Variants in ZNF236 observed in about 807,000 individuals in gnomAD.
The protein encoded by ZNF236 is zinc finger protein 236.
ZNF236 carries 50 observed loss-of-function variants against 191.2 expected under a neutral mutation model. The observed-to-expected ratio is 0.26, with a 90% confidence interval of 0.21 to 0.33. ZNF236 has a LOEUF of 0.33. Ranked by LOEUF, ZNF236 falls within the 10% of genes least tolerant of loss-of-function variation. ZNF236 has a pLI of 1.00. For missense variants in ZNF236, 1,754 were observed against 2,374.5 expected (o/e 0.74, Z 5.43); for synonymous variants, 907 against 928.8 (o/e 0.98, Z 0.43).
At chr18:76,854,817 ACATT>A (rs1245890705) in intron 3 of ZNF236, among the ~76,000 whole-genome samples, 3 of 152,202 alleles carry the variant, frequency 2.0e-5, no homozygotes, top group Non-Finnish European at 4.4e-5. Flanking sequence ...ATGCCATATG[ACATT>A]CTAGAAAGTA....
At chr18:76,922,888 T>C (rs1454090591) in intron 20 of ZNF236, among the ~76,000 whole-genome samples, 183 bp from the exon 21 acceptor site, 4 of 152,242 alleles carry the variant, frequency 2.6e-5, no homozygotes, top group African/African-American at 9.6e-5. Context: ...TTATTTGTCC[T>C]GCAAATATTT....
chr18:76,956,202 G>T lies in ZNF236; in HGVS notation c.5112+20G>T. On this transcript the variant is annotated intron_variant, in intron 28 of 30. Transcript: ENST00000320610. ...CTCAAGGTAGGCCCACTGTGCCAGGGCACAGCTGTGTGCCCCCCAGGCGGC... is the reference window on the plus strand; with the variant it reads ...CTCAAGGTAGGCCCACTGTGCCAGGTCACAGCTGTGTGCCCCCCAGGCGGC... The T allele has an allele frequency of 1.3e-6, 2 of 1,541,900 alleles. No homozygotes were observed. Among genetic ancestry groups the T allele is most frequent in the Non-Finnish European group, 1.7e-6 (2 of 1,146,944 alleles).
chr18:76,874,683 C>T (rs1000778687), intron 5 of ZNF236, among the ~76,000 whole-genome samples: 1 of 152,098 alleles, frequency 6.6e-6, no homozygotes, highest in Non-Finnish European at 1.5e-5. Flanking sequence ...AGTGTAAAGA[C>T]GATTTTGAGC....
intron 18 of ZNF236, among the ~76,000 whole-genome samples, chr18:76,915,224 A>G (rs1416252398): frequency 6.6e-6 from 1 of 152,196 alleles, no homozygotes; most frequent in Non-Finnish European, 1.5e-5. Flanking sequence ...CTAGTTCTTA[A>G]TGCCTAATCT....
At chr18:76,908,123 C>T (rs2122754787) in intron 13 of ZNF236, among the ~76,000 whole-genome samples, 197 bp from the exon 14 acceptor site, 1 of 151,840 alleles carries the variant, frequency 6.6e-6, no homozygotes, top group Middle Eastern at 3.4e-3. Flanking sequence ...GGTGGAAGCA[C>T]TTAAAGATAA....
intron 9 of ZNF236, among the ~76,000 whole-genome samples, chr18:76,883,635 C>T (rs1976963005): frequency 6.6e-6 from 1 of 152,076 alleles, no homozygotes; most frequent in Non-Finnish European, 1.5e-5. Context: ...GCTATGTTGC[C>T]CAGGCTGGTC....
At position 76,837,437 on chromosome 18, in the gene ZNF236, C is replaced by CTTTTTTTTTTTTTTTTTTTTT. The variant is rs71760598; in HGVS notation, c.56-12069_56-12068insTTTTTTTTTTTTTTTTTTTTT. On this transcript the variant is annotated intron_variant, in intron 1 of 30. Transcript: ENST00000320610. The stretch of plus-strand genomic sequence containing the variant: ...AATTCCTTTTTTTCTTTTTCTTTTT[C>CTTTTTTTTTTTTTTTTTTTTT]TTTTTTTTTTTTTTTTTTTTGAGAC... Among the ~76,000 whole-genome samples, 153 of 105,746 alleles carry CTTTTTTTTTTTTTTTTTTTTT rather than the reference C, an allele frequency of 1.4e-3. 1 individual carries two copies. The highest frequency in any genetic ancestry group is 1.9e-3 in the Non-Finnish European group (102 of 52,582). The allele number at this position is 105,746 out of a possible 152,430, so 69.4% of individuals were successfully genotyped here.
At chr18:76,882,504 C>G (rs1216308813) in intron 9 of ZNF236, among the ~76,000 whole-genome samples, 1 of 152,192 alleles carries the variant, frequency 6.6e-6, no homozygotes, top group Non-Finnish European at 1.5e-5. Flanking sequence ...TTTACTACAT[C>G]TTTCTTGAAA....
At chr18:76,834,645 C>T (rs1470089332) in intron 1 of ZNF236, 3 of 449,184 alleles carry the variant, frequency 6.7e-6, no homozygotes, top group Non-Finnish European at 1.3e-5. Flanking sequence ...TGCACCCATT[C>T]AATGTAGAGG....
chr18:76,942,686 GT>G (rs1968159905), intron 26 of ZNF236, among the ~76,000 whole-genome samples: 1 of 150,200 alleles, frequency 6.7e-6, no homozygotes, highest in Non-Finnish European at 1.5e-5. Flanking sequence ...TACCTTTTTT[GT>G]TATTTTTTAG....
At chr18:76,949,457 A>T (rs546090440) in intron 27 of ZNF236, among the ~76,000 whole-genome samples, 2 of 152,174 alleles carry the variant, frequency 1.3e-5, no homozygotes, top group East Asian at 3.8e-4. Flanking sequence ...GACAGATTAA[A>T]TATAAAAATG....
intron 5 of ZNF236, among the ~76,000 whole-genome samples, chr18:76,872,358 G>A (rs1027030402): frequency 2.6e-5 from 4 of 152,208 alleles, no homozygotes; most frequent in Non-Finnish European, 5.9e-5. Flanking sequence ...GCACCCACCT[G>A]TAGCCCTGAA....
chr18:76,963,751 G>A lies in ZNF236; in HGVS notation c.5419+2896G>A, dbSNP rs569262423. On this transcript the variant is annotated intron_variant, in intron 30 of 30. Coordinates refer to ENST00000320610, the MANE Select transcript of ZNF236 (RefSeq NM_001306089.2). ...TTTAAATTACTATTTCAATCTTGCT[G>A]CTTGTTATTGGTCTGATCAGGGTAT... 3.1e-4 allele frequency among the ~76,000 whole-genome samples: 47 copies of A among 152,232 alleles called. 1 individual carries two copies. The highest frequency in any genetic ancestry group is 1.0e-3 in the African/African-American group (43 of 41,550).
chr18:76,846,293 A>T lies in ZNF236; in HGVS notation c.56-3233A>T, dbSNP rs149233660. Among the ~76,000 whole-genome samples, 7 of 152,288 alleles carry T rather than the reference A, an allele frequency of 4.6e-5. No homozygotes were observed. The East Asian group carries it at 1.4e-3, about 29-fold the overall frequency. On this transcript the variant is annotated intron_variant, in intron 1 of 30. Coordinates refer to ENST00000320610, the MANE Select transcript of ZNF236 (RefSeq NM_001306089.2). ...ATAGACCTCGTTCTGAACAACAGAT[A>T]CTCTGGGGACCAGAAATTTGAATGA... is the stretch of plus-strand genomic sequence containing the variant.
At chr18:76,949,237 CTACTT>C (rs1341139684) in intron 27 of ZNF236, among the ~76,000 whole-genome samples, 1 of 152,170 alleles carries the variant, frequency 6.6e-6, no homozygotes, top group Non-Finnish European at 1.5e-5. Flanking sequence ...GTAAATGAAA[CTACTT>C]TGCTATTTTT....
chr18:76,941,604 G>A (rs559276496), intron 26 of ZNF236, among the ~76,000 whole-genome samples: 1 of 152,286 alleles, frequency 6.6e-6, no homozygotes, highest in African/African-American at 2.4e-5. Flanking sequence ...TTCCACTCTG[G>A]CCTGCGGACA....
intron 30 of ZNF236, among the ~76,000 whole-genome samples, chr18:76,964,420 G>C (rs1239997007): frequency 6.6e-5 from 10 of 152,164 alleles, no homozygotes; most frequent in Non-Finnish European, 1.3e-4. Context: ...TGTGGTCTGA[G>C]AGAGAGCTTG....
At chr18:76,942,881 T>C (rs1304973969) in intron 26 of ZNF236, among the ~76,000 whole-genome samples, 2 of 146,114 alleles carry the variant, frequency 1.4e-5, no homozygotes, top group African/African-American at 5.0e-5. Context: ...CCTAGGACTT[T>C]GGGAGGCCGA....
At chr18:76,864,002 G>C (rs1184406102) in intron 3 of ZNF236, among the ~76,000 whole-genome samples, 1 of 152,106 alleles carries the variant, frequency 6.6e-6, no homozygotes, top group Non-Finnish European at 1.5e-5. Context: ...CATGATGTGG[G>C]TGAGCCTCCT....
Sources: allele counts gnomAD v4.1 joint callset (sites outside exome capture counted in the v4.1 genomes callset), GRCh38; gene constraint gnomAD v4.1.1; transcripts MANE v1.5; gene names NCBI Gene and HGNC (gene_info 2026-07-23, HGNC 2026-07-21).